The following MAPK7 variants were observed in gnomAD, a reference collection of about 807,000 sequenced individuals.
MAPK7 encodes the protein BMK-1.
A neutral mutation model predicts 56.9 loss-of-function variants in MAPK7; 30 were observed. The ratio of observed to expected loss-of-function variants is 0.53; its 90% CI spans 0.39 to 0.72. The LOEUF (loss-of-function observed/expected upper bound fraction) is 0.72, where lower values mean the gene tolerates loss of function less well. MAPK7 is among the 30% of genes least tolerant of loss of function. The pLI is 0.00. For missense variants in MAPK7, 952 were observed against 1,110.8 expected, an observed-to-expected ratio of 0.86 and a Z score of 2.03; for synonymous variants, 516 against 449.3, an observed-to-expected ratio of 1.15 and a Z score of -1.88.
At position 19,381,175 on chromosome 17, in the gene MAPK7, A is replaced by G. The variant is rs1412592115; in HGVS notation, c.966A>G (p.Ser322=). The G allele has an allele frequency of 6.2e-7, 1 of 1,614,060 alleles. No individual in the cohort carries two copies. The highest frequency in any genetic ancestry group is 8.5e-7 in the Non-Finnish European group (1 of 1,180,014). ...CAGGTGCCGACCGCCAGGCCCTATC[A>G]CTGCTGGGTCGCATGCTGCGTTTTG... ...VYPGADRQAL[S]LLGRMLRFEP... The change falls in exon 4 of 7, where the codon TCA becomes TCG. Residue 322 remains serine, a synonymous_variant. Transcript: ENST00000395604. This position sits in a 1 kb window ranked among gnomAD's most constrained non-coding sequence, Gnocchi z 4.6.
Position 19,383,436 on chromosome 17 carries a change from G to A in MAPK7, c.*205G>A, listed in dbSNP as rs1194029119. On this transcript the variant is annotated 3_prime_UTR_variant, in exon 7 of 7. Coordinates refer to ENST00000395604, the MANE Select transcript of MAPK7 (RefSeq NM_002749.4). ...GGATCGGGAGACCCCAACTCCCCCT[G>A]AACAATCCTTTTCAGTATTATATTT... is the stretch of plus-strand genomic sequence containing the variant. The A allele has an allele frequency of 2.1e-6, 1 of 487,502 alleles. No homozygotes were observed. Among genetic ancestry groups the A allele is most frequent in the African/African-American group, 2.0e-5 (1 of 51,000 alleles). The allele number at this position is 487,502 out of a possible 1,614,324, so 30.2% of individuals were successfully genotyped here. A position where few individuals can be genotyped will look rare whatever the true frequency, so the allele number is the denominator to read the frequency against.
intron 2 of MAPK7, 193 bp from the exon 3 acceptor site, chr17:19,379,589 G>A (rs763556253): frequency 3.8e-5 from 23 of 599,170 alleles, no homozygotes; most frequent in Admixed American, 1.9e-4. Context: ...GACCTGCCCC[G>A]CAGGGGAGTT....
chr17:19,378,710 A>ACCCTGGCGGGC lies in MAPK7; in HGVS notation c.-6+84_-6+94dup. 7.6e-7 allele frequency: 1 copy of ACCCTGGCGGGC among 1,308,286 alleles called. No homozygotes were observed. Among genetic ancestry groups the ACCCTGGCGGGC allele is most frequent in the East Asian group, 2.8e-5 (1 of 35,400 alleles). 81.0% of individuals were successfully genotyped at this position (1,308,286 alleles called of 1,614,324 possible). On this transcript the variant is annotated intron_variant, in intron 1 of 6. Transcript: ENST00000395604. This position sits in a 1 kb window ranked among gnomAD's most constrained non-coding sequence, Gnocchi z 5.4. ...CCGCGCCTCGCCTACCCCTCCCCCG[A>ACCCTGGCGGGC]CCCTGGCGGGCCCCCGGCTCTGGGC...
chr17:19,378,918 G>A lies in MAPK7; in HGVS notation c.18G>A (p.Lys6=), dbSNP rs2233073. 2.0e-5 allele frequency: 31 copies of A among 1,576,236 alleles called. No individual in the cohort carries two copies. The South Asian group carries it at 3.1e-4, about 16-fold the overall frequency. MAEPL[K]EEDGEDGSAE... Reference sequence around the variant, plus strand: ...CAGACACCATGGCCGAGCCTCTGAAGGAGGAAGACGGCGAGGACGGCTCTG... The same window carrying A: ...CAGACACCATGGCCGAGCCTCTGAAAGAGGAAGACGGCGAGGACGGCTCTG... Residue 6 remains lysine (K), a synonymous_variant, in exon 2 of 7, where the codon AAG becomes AAA. Transcript: ENST00000395604. This position sits in a 1 kb window ranked among gnomAD's most constrained non-coding sequence, Gnocchi z 5.4.
rs764518897 is a variant in MAPK7 at position 19,381,885 on chromosome 17, G to A, written c.1582G>A (p.Ala528Thr). 3 of 1,569,714 alleles carry A rather than the reference G, an allele frequency of 1.9e-6. No homozygotes were observed. The highest frequency in any genetic ancestry group is 2.6e-6 in the Non-Finnish European group (3 of 1,157,044). ...GAAGCGGCGGAGGCGGCAAGAACGA[G>A]CCAAGGAGCGGGAGAAACGGCGGCA... is the stretch of plus-strand genomic sequence containing the variant. ...EEKRRRRQER[A>T]KEREKRRQER... Residue 528 changes from alanine to threonine, a missense_variant, in exon 5 of 7, where the codon GCC (alanine) becomes ACC (threonine). This residue lies in a region of MAPK7 where 429 missense variants were observed against 533.0 expected (regional missense o/e 0.80). Transcript: ENST00000395604. The surrounding 1 kb of genome is among the most constrained non-coding windows in gnomAD (Gnocchi z 4.6).
rs1912555302 is a variant in MAPK7 at position 19,380,499 on chromosome 17, A to C, written c.399-109A>C. 4.7e-6 allele frequency: 7 copies of C among 1,481,282 alleles called. No individual in the cohort carries two copies. The East Asian group carries it at 1.6e-4, about 35-fold the overall frequency. 91.8% of individuals were successfully genotyped at this position (1,481,282 alleles called of 1,614,324 possible). A position where few individuals can be genotyped will look rare whatever the true frequency, so the allele number is the denominator to read the frequency against. On this transcript the variant is annotated intron_variant, in intron 3 of 6. Coordinates refer to ENST00000395604, the MANE Select transcript of MAPK7 (RefSeq NM_002749.4). Reference sequence around the variant, plus strand: ...ATGCCGTCAGCCCCTATGGGGTCCCAGGGTAAGGCTGTTACCTGTCTGGAA... The same window carrying C: ...ATGCCGTCAGCCCCTATGGGGTCCCCGGGTAAGGCTGTTACCTGTCTGGAA...
upstream of MAPK7, chr17:19,378,189 T>C (rs1057168637): frequency 1.9e-4 from 185 of 984,236 alleles, no homozygotes; most frequent in Non-Finnish European, 2.1e-4. The surrounding 1 kb of genome is among the most constrained non-coding windows in gnomAD (Gnocchi z 5.4). Context: ...GGTTGAGAGC[T>C]TCATGGGGAC....
In MAPK7 at chr17:19,380,764, C is replaced by T. The variant is rs754122920; in HGVS notation, c.555C>T (p.Pro185=). The T allele has an allele frequency of 2.5e-6, 4 of 1,613,964 alleles. No individual in the cohort carries two copies. Among genetic ancestry groups the T allele is most frequent in the African/African-American group, 1.3e-5 (1 of 74,912 alleles). ...SAQVIHRDLK[P]SNLLVNENCE... ...AGGTCATCCACCGTGACCTGAAGCCCTCCAACCTATTGGTGAATGAGAACT... is the reference window on the plus strand; with the variant it reads ...AGGTCATCCACCGTGACCTGAAGCCTTCCAACCTATTGGTGAATGAGAACT... The change falls in exon 4 of 7, where the codon CCC becomes CCT. Residue 185 remains proline (P), a synonymous_variant. Coordinates refer to ENST00000395604, the MANE Select transcript of MAPK7 (RefSeq NM_002749.4).
rs767059776 is a variant in MAPK7, at chr17:19,379,163, G to C, written c.232+31G>C. On this transcript the variant is annotated intron_variant, in intron 2 of 6. Transcript: ENST00000395604. ...CTTCCTGAGCCGTCGCCTCCCAGATGTGGCAGCGTCGCAGGGAGTGGGAAA... is the reference window on the plus strand; with the variant it reads ...CTTCCTGAGCCGTCGCCTCCCAGATCTGGCAGCGTCGCAGGGAGTGGGAAA... The C allele has an allele frequency of 3.8e-6, 6 of 1,595,042 alleles. No individual in the cohort carries two copies. In the Admixed American group the frequency reaches 1.0e-4, roughly 27 times the overall value.
At chr17:19,380,337 A>G (rs1021299115) in intron 3 of MAPK7, 2 of 703,968 alleles carry the variant, frequency 2.8e-6, no homozygotes, top group Non-Finnish European at 4.2e-6. Flanking sequence ...CCAAAAGGAA[A>G]CCTATTGGCC....
chr17:19,382,755 G>T (rs1912830945), intron 5 of MAPK7, 58 bp from the exon 6 acceptor site: 2 of 1,592,656 alleles, frequency 1.3e-6, no homozygotes, highest in South Asian at 1.1e-5. Flanking sequence ...AGCAGCATTG[G>T]GACAGGGTGG....
chr17:19,381,474 C>T lies in MAPK7; in HGVS notation c.1265C>T (p.Pro422Leu). ...TGTCCAGATGTTGAAATGCCCAGTC[C>T]CTGGGCTCCCAGTGGGGACTGTGCC... ...PGCPDVEMPS[P>L]WAPSGDCAME... The change falls in exon 4 of 7, where the codon CCC becomes CTC. Residue 422 changes from proline (P) to leucine (L), a missense_variant. Pro to Leu is a moderately conservative substitution (Grantham distance 98). This residue lies in a region of MAPK7 where 429 missense variants were observed against 533.0 expected (regional missense o/e 0.80). Coordinates refer to ENST00000395604, the MANE Select transcript of MAPK7 (RefSeq NM_002749.4). The surrounding 1 kb of genome is among the most constrained non-coding windows in gnomAD (Gnocchi z 4.6). 1.2e-6 allele frequency: 2 copies of T among 1,614,112 alleles called. No homozygotes were observed. The highest frequency in any genetic ancestry group is 8.5e-7 in the Non-Finnish European group (1 of 1,180,034).
At position 19,381,017 on chromosome 17, in the gene MAPK7, C is replaced by T; in HGVS notation, c.808C>T (p.Gln270Ter). 1 of 1,614,152 alleles carries T rather than the reference C, an allele frequency of 6.2e-7. No homozygotes were observed. The highest frequency in any genetic ancestry group is 8.5e-7 in the Non-Finnish European group (1 of 1,180,038). Residue 270 changes from glutamine (Q) to a stop codon, truncating the protein, a stop_gained, in exon 4 of 7, where the codon CAG (glutamine) becomes TAG (stop). Coordinates refer to ENST00000395604, the MANE Select transcript of MAPK7 (RefSeq NM_002749.4). LOFTEE classifies it high-confidence loss of function. The surrounding 1 kb of genome is among the most constrained non-coding windows in gnomAD (Gnocchi z 4.6). ...QLFPGKNYVH[Q>*]LQLIMMVLGT... ...CTTCCCAGGCAAAAACTATGTACAC[C>T]AGCTACAGCTCATCATGATGGTGCT...
rs767949718 is a variant in MAPK7, at chr17:19,379,154, C to A, written c.232+22C>A. 3.7e-6 allele frequency: 6 copies of A among 1,603,974 alleles called. No individual in the cohort carries two copies. The South Asian group carries it at 6.6e-5, about 18-fold the overall frequency. ...ACCGGTGAGCTTCCTGAGCCGTCGC[C>A]TCCCAGATGTGGCAGCGTCGCAGGG... On this transcript the variant is annotated intron_variant, in intron 2 of 6. Coordinates refer to ENST00000395604, the MANE Select transcript of MAPK7 (RefSeq NM_002749.4).
In MAPK7 at chr17:19,382,029, GC is replaced by G; in HGVS notation, c.1729del (p.Arg577GlyfsTer34). 1 of 1,562,534 alleles carries G rather than the reference GC, an allele frequency of 6.4e-7. No homozygotes were observed. The highest frequency in any genetic ancestry group is 8.7e-7 in the Non-Finnish European group (1 of 1,153,734). ...CCTGTTGGAACGCTGGACTCGAATGGCCCGGCCCGCAGCCCCAGCCCTCACC... is the reference window on the plus strand; with the variant it reads ...CCTGTTGGAACGCTGGACTCGAATGGCCGGCCCGCAGCCCCAGCCCTCACC... ...RSLLERWTRM[A>X]RPAAPALTSV... On this transcript the variant is annotated frameshift_variant, in exon 5 of 7. Coordinates refer to ENST00000395604, the MANE Select transcript of MAPK7 (RefSeq NM_002749.4). LOFTEE classifies it high-confidence loss of function.
intron 5 of MAPK7, 139 bp from the exon 6 acceptor site, chr17:19,382,674 A>G (rs1912822327): frequency 9.2e-6 from 13 of 1,410,860 alleles, no homozygotes; most frequent in Non-Finnish European, 1.1e-5. Context: ...TAGCCCAGAG[A>G]TGGGGCCAGC....
chr17:19,379,993 A>C (rs1331403745), intron 3 of MAPK7, 46 bp downstream of exon 3: 22 of 1,586,368 alleles, frequency 1.4e-5, no homozygotes, highest in Non-Finnish European at 1.8e-5. Flanking sequence ...GACTTTTCTG[A>C]AGGCTGCAAC....
upstream of MAPK7, chr17:19,378,494 G>A (rs779323560): frequency 2.0e-5 from 21 of 1,057,858 alleles, no homozygotes; most frequent in Admixed American, 5.1e-5. This position sits in a 1 kb window ranked among gnomAD's most constrained non-coding sequence, Gnocchi z 5.4. Flanking sequence ...GGAGGGGGAC[G>A]GACAGGGCAG....
rs374283482 is a variant in MAPK7, at chr17:19,381,771, T to G, written c.1478-10T>G. The G allele has an allele frequency of 3.3e-6, 5 of 1,537,858 alleles. No homozygotes were observed. Among genetic ancestry groups the G allele is most frequent in the Non-Finnish European group, 4.4e-6 (5 of 1,145,478 alleles). ...GCTTTTACCTTCTCCCCTGCCCAAC[T>G]TCCCCGCAGATGGCCCCAGCGCACC... On this transcript the variant is annotated splice_polypyrimidine_tract_variant and intron_variant, in intron 4 of 6. Transcript: ENST00000395604. This position sits in a 1 kb window ranked among gnomAD's most constrained non-coding sequence, Gnocchi z 4.6.
Sources: gnomAD v4.1 joint callset for allele counts on GRCh38, gnomAD v4.1.1 for gene constraint, gnomAD v4.1.1 regional missense constraint, Gnocchi (gnomAD v3.1) non-coding constraint, MANE v1.5 for transcripts, NCBI Gene and HGNC (gene_info 2026-07-23, HGNC 2026-07-21) for gene names.